Variants in ZNF804B observed in about 807,000 individuals in gnomAD.
ZNF804B encodes the protein zinc finger protein 804B, also known as zinc finger 804B.
Under a neutral mutation model 101.4 loss-of-function variants are expected in ZNF804B, and 80 were observed. The observed-to-expected ratio is 0.79, with a 90% CI of 0.66 to 0.95. The LOEUF (loss-of-function observed/expected upper bound fraction) is 0.95. Ranked by LOEUF, ZNF804B falls within the 40% of genes least tolerant of loss-of-function variation. The pLI is 0.00. For synonymous variants in ZNF804B, 622 were observed against 558.8 expected, an observed-to-expected ratio of 1.11 and a Z score of -1.59; for missense variants, 1,673 against 1,561.9, an observed-to-expected ratio of 1.07 and a Z score of -1.20.
At chr7:89,147,536 C>G (rs771105862) in intron 1 of ZNF804B, among the ~76,000 whole-genome samples, 48 of 152,038 alleles carry the variant, frequency 3.2e-4, no homozygotes, top group Admixed American at 5.3e-4. Flanking sequence ...ATACACAGAA[C>G]AAGAAAAAAT....
chr7:89,189,333 T>A (rs1037904380), intron 1 of ZNF804B, among the ~76,000 whole-genome samples: 1 of 152,084 alleles, frequency 6.6e-6, no homozygotes, highest in Admixed American at 6.6e-5. Context: ...AGAGCTCTGA[T>A]GAAGATGTAT....
chr7:89,066,194 A>C (rs1789452362), intron 1 of ZNF804B, among the ~76,000 whole-genome samples: 1 of 152,114 alleles, frequency 6.6e-6, no homozygotes, highest in Non-Finnish European at 1.5e-5. Context: ...GTTTGTTTTC[A>C]TGGGACATAT....
chr7:89,042,364 A>T (rs1789028347), intron 1 of ZNF804B, among the ~76,000 whole-genome samples: 3 of 152,172 alleles, frequency 2.0e-5, no homozygotes, highest in South Asian at 4.1e-4. Context: ...GAGGTGTTTC[A>T]TGAGGGTTTT....
At chr7:88,859,098 T>C (rs773094285) in intron 1 of ZNF804B, among the ~76,000 whole-genome samples, 24 of 151,934 alleles carry the variant, frequency 1.6e-4, no homozygotes, top group Non-Finnish European at 3.2e-4. Context: ...AGCATATAGG[T>C]TTTATTGGGT....
intron 2 of ZNF804B, among the ~76,000 whole-genome samples, chr7:89,269,515 A>G (rs1789850894): frequency 6.6e-6 from 1 of 152,220 alleles, no homozygotes; most frequent in Admixed American, 6.5e-5. Flanking sequence ...ATAGTGCCAC[A>G]GTAAACATAT....
At chr7:89,218,600 C>T (rs1478488664) in intron 2 of ZNF804B, among the ~76,000 whole-genome samples, 2 of 152,060 alleles carry the variant, frequency 1.3e-5, no homozygotes, top group South Asian at 2.1e-4. Context: ...GTCAAAAATC[C>T]ACATATAACT....
At chr7:88,870,704 C>T (rs1218690348) in intron 1 of ZNF804B, among the ~76,000 whole-genome samples, 3 of 152,068 alleles carry the variant, frequency 2.0e-5, no homozygotes, top group Non-Finnish European at 4.4e-5. Context: ...CAAAAGGAGT[C>T]AATCCTGACA....
intron 1 of ZNF804B, among the ~76,000 whole-genome samples, chr7:88,818,402 AT>A (rs1327103763): frequency 6.6e-6 from 1 of 152,070 alleles, no homozygotes; most frequent in African/African-American, 2.4e-5. Flanking sequence ...AATTATGTCC[AT>A]TTTTTTCTTA....
intron 1 of ZNF804B, among the ~76,000 whole-genome samples, chr7:89,137,171 T>C (rs1790649510): frequency 6.6e-6 from 1 of 151,998 alleles, no homozygotes; most frequent in Non-Finnish European, 1.5e-5. Context: ...CACAAAAATA[T>C]GGAAGATATT....
At chr7:89,241,824 C>T (rs1233101118) in intron 2 of ZNF804B, among the ~76,000 whole-genome samples, 3 of 149,638 alleles carry the variant, frequency 2.0e-5, no homozygotes, top group Non-Finnish European at 4.4e-5. Flanking sequence ...TTCTGCAGTC[C>T]TATTTTAATC....
intron 1 of ZNF804B, among the ~76,000 whole-genome samples, chr7:88,970,845 C>T (rs1260117233): frequency 1.3e-5 from 2 of 149,788 alleles, no homozygotes; most frequent in Admixed American, 1.3e-4. Flanking sequence ...GGAGGGATAG[C>T]ATTAGGAGGT....
At chr7:88,861,582 C>T (rs1047959528) in intron 1 of ZNF804B, among the ~76,000 whole-genome samples, 8 of 152,102 alleles carry the variant, frequency 5.3e-5, no homozygotes, top group South Asian at 4.1e-4. Flanking sequence ...GATCTCTCAG[C>T]GATATCTGTC....
At chr7:89,077,472 GT>G (rs2116307779) in intron 1 of ZNF804B, among the ~76,000 whole-genome samples, 1 of 152,158 alleles carries the variant, frequency 6.6e-6, no homozygotes, top group South Asian at 2.1e-4. Context: ...TTTTGATTAG[GT>G]ATTGTTTAGA....
intron 1 of ZNF804B, among the ~76,000 whole-genome samples, chr7:89,156,069 T>G (rs1462347138): frequency 0.056 from 5,041 of 90,318 alleles, 209 homozygotes; most frequent in Middle Eastern, 0.086. Context: ...TCTTTCTTTC[T>G]TTCTCTCTTT....
chr7:88,973,880 C>T (rs1465600206), intron 1 of ZNF804B, among the ~76,000 whole-genome samples: 3 of 151,348 alleles, frequency 2.0e-5, no homozygotes, highest in Admixed American at 6.6e-5. Flanking sequence ...ATCCCATTGA[C>T]ACAACTTTTT....
At chr7:88,809,319 C>G (rs1473186245) in intron 1 of ZNF804B, among the ~76,000 whole-genome samples, 5 of 103,326 alleles carry the variant, frequency 4.8e-5, no homozygotes, top group African/African-American at 1.9e-4. Context: ...ATCTATCTAT[C>G]TATCTATCTA....
chr7:89,040,219 C>G (rs1010268682), intron 1 of ZNF804B, among the ~76,000 whole-genome samples: 8 of 151,660 alleles, frequency 5.3e-5, no homozygotes, highest in Non-Finnish European at 1.0e-4. Flanking sequence ...TTATTTATAT[C>G]TCATAAATCC....
At position 88,838,529 on chromosome 7, in the gene ZNF804B, G is replaced by A. The variant is rs559260408; in HGVS notation, c.108+78445G>A. Among the ~76,000 whole-genome samples, 3 of 151,982 alleles carry A rather than the reference G, an allele frequency of 2.0e-5. No individual in the cohort carries two copies. In the South Asian group the frequency reaches 6.2e-4, roughly 31 times the overall value. ...AAGTATTTTTCTATAATTAAAAAGT[G>A]TTTGCTTATTTTTAAAGCTCAAAAT... On this transcript the variant is annotated intron_variant, in intron 1 of 3. Coordinates refer to ENST00000333190, the MANE Select transcript of ZNF804B (RefSeq NM_181646.5).
At chr7:89,221,690 A>AC (rs1554380467) in intron 2 of ZNF804B, among the ~76,000 whole-genome samples, 1 of 116,100 alleles carries the variant, frequency 8.6e-6, no homozygotes, top group Non-Finnish European at 1.9e-5. Flanking sequence ...CTTCCTCAAT[A>AC]TTTCTATTCT....
Sources: gnomAD v4.1 joint callset for allele counts (sites outside exome capture counted in the v4.1 genomes callset) on GRCh38, gnomAD v4.1.1 for gene constraint, MANE v1.5 for transcripts, NCBI Gene and HGNC (gene_info 2026-07-23, HGNC 2026-07-21) for gene names.